ZNF563: variants seen among roughly 807,000 people sequenced by gnomAD.
ZNF563 encodes the protein zinc finger protein 563.
ZNF563 carries 39 observed loss-of-function variants against 48.5 expected under a neutral mutation model. That is an observed-to-expected ratio of 0.80 (90% CI 0.62 to 1.05). The LOEUF is 1.05. Ranked by LOEUF, ZNF563 falls within the 50% of genes least tolerant of loss-of-function variation. ZNF563 has a pLI of 0.00. For synonymous variants in ZNF563, 168 were observed against 187.9 expected (o/e 0.89, Z 0.87); for missense variants, 538 against 597.0 (o/e 0.90, Z 1.03).
At chr19:12,331,569 C>A (rs188141372) in intron 1 of ZNF563, among the ~76,000 whole-genome samples, 14 of 152,352 alleles carry the variant, frequency 9.2e-5, no homozygotes, top group African/African-American at 3.4e-4. Flanking sequence ...GAAAACTGGG[C>A]TTGGGGTGAG....
At chr19:12,330,438 A>G (rs959838931) in intron 1 of ZNF563, among the ~76,000 whole-genome samples, 7 of 152,206 alleles carry the variant, frequency 4.6e-5, no homozygotes, top group African/African-American at 1.7e-4. Flanking sequence ...CACGTAGTTT[A>G]TGGCAATCTG....
the ZNF563 span, among the ~76,000 whole-genome samples, chr19:12,343,726 T>C: frequency 1.7e-5 from 2 of 116,978 alleles, no homozygotes; most frequent in Non-Finnish European, 3.4e-5. Context: ...GCATAAATTC[T>C]TTTTTTTTTT....
At chr19:12,324,434 C>A (rs937432369) in intron 1 of ZNF563, among the ~76,000 whole-genome samples, 1 of 152,080 alleles carries the variant, frequency 6.6e-6, no homozygotes, top group Non-Finnish European at 1.5e-5. Context: ...AACCTCCTCA[C>A]TGGCCGGGTG....
upstream of ZNF563, among the ~76,000 whole-genome samples, chr19:12,338,596 G>A (rs771938819): frequency 5.9e-5 from 9 of 152,002 alleles, no homozygotes; most frequent in East Asian, 1.9e-4. Flanking sequence ...GCTCATGCCT[G>A]TAATCCCAGC....
chr19:12,319,519 T>C lies in ZNF563; in HGVS notation c.506A>G (p.Tyr169Cys), dbSNP rs774904148. ...RGRPHTGKKRYECKECGKTFS... is the reference protein window; with the variant it reads ...RGRPHTGKKRCECKECGKTFS... ...GGTTTTTCCACATTCCTTACACTCA[T>C]AGCGTTTCTTTCCAGTGTGAGGCCT... is the stretch of plus-strand genomic sequence containing the variant. Residue 169 changes from tyrosine to cysteine, a missense_variant, in exon 4 of 4, where the codon TAT becomes TGT. By Grantham distance (194) the Tyr-to-Cys change is radical. Transcript: ENST00000293725. The C allele has an allele frequency of 1.5e-5, 24 of 1,614,114 alleles. No homozygotes were observed. The South Asian group carries it at 1.5e-4, about 10-fold the overall frequency.
chr19:12,342,492 G>A, the ZNF563 span, among the ~76,000 whole-genome samples: 2 of 150,524 alleles, frequency 1.3e-5, no homozygotes, highest in Non-Finnish European at 2.9e-5. Context: ...AAAAAAAGAG[G>A]TTGGGGGTGG....
intron 3 of ZNF563, 56 bp downstream of exon 3, chr19:12,321,216 C>A: frequency 7.9e-7 from 1 of 1,260,120 alleles, no homozygotes; most frequent in South Asian, 1.4e-5. Context: ...TTAAAATTTC[C>A]TTTTACTCTG....
the ZNF563 span, among the ~76,000 whole-genome samples, chr19:12,338,880 A>C: frequency 6.6e-6 from 1 of 150,588 alleles, no homozygotes; most frequent in East Asian, 1.9e-4. Flanking sequence ...AACAAAACAA[A>C]ACAACACACT....
At chr19:12,325,363 G>A (rs543786620) in intron 1 of ZNF563, among the ~76,000 whole-genome samples, 1 of 151,492 alleles carries the variant, frequency 6.6e-6, no homozygotes, top group South Asian at 2.1e-4. Flanking sequence ...GCCTGTAACC[G>A]AGTAGCTGCA....
At chr19:12,342,964 G>A in the ZNF563 span, among the ~76,000 whole-genome samples, 4 of 151,142 alleles carry the variant, frequency 2.6e-5, 1 homozygote, top group Non-Finnish European at 4.4e-5. Context: ...TTGGGAGGCC[G>A]AGGCGGGTGG....
chr19:12,317,954 T>C lies in ZNF563; in HGVS notation c.*640A>G. On this transcript the variant is annotated 3_prime_UTR_variant, in exon 4 of 4. Transcript: ENST00000293725. ...CAAGGACCTGAGAGAACTCAATGCT[T>C]TTCTACATTTCTTACATTCATATGA... The C allele has an allele frequency of 5.3e-6, 1 of 186,918 alleles. No homozygotes were observed. Among genetic ancestry groups the C allele is most frequent in the African/African-American group, 2.4e-5 (1 of 42,240 alleles). 11.6% of individuals were successfully genotyped at this position (186,918 alleles called of 1,614,324 possible). A position where few individuals can be genotyped will look rare whatever the true frequency, so the allele number is the denominator to read the frequency against.
At chr19:12,327,375 G>A (rs1252292202) in intron 1 of ZNF563, among the ~76,000 whole-genome samples, 8 of 150,194 alleles carry the variant, frequency 5.3e-5, no homozygotes, top group East Asian at 3.9e-4. Flanking sequence ...CAGGAGAATC[G>A]CTTGAACCCA....
chr19:12,326,455 C>A (rs1440452382), intron 1 of ZNF563, among the ~76,000 whole-genome samples: 2 of 151,966 alleles, frequency 1.3e-5, no homozygotes, highest in Admixed American at 1.3e-4. Flanking sequence ...ACCAGCCTGG[C>A]CAACATGGTG....
At chr19:12,333,445 T>C (rs1448525770) in intron 1 of ZNF563, 35 bp downstream of exon 1, 3 of 1,612,894 alleles carry the variant, frequency 1.9e-6, no homozygotes, top group African/African-American at 1.3e-5. Context: ...ACCAGCTCTT[T>C]CCCACTTTTG....
chr19:12,318,808 C>CT lies in ZNF563; in HGVS notation c.1216dup (p.Ser406LysfsTer17), dbSNP rs770398682. Reference sequence around the variant, plus strand: ...AGACTTTTCGTGTCTTTGACATACACTAGGATAAACAAAAGCTTTCCCACA... The same window carrying CT: ...AGACTTTTCGTGTCTTTGACATACACTTAGGATAAACAAAAGCTTTCCCACA... On this transcript the variant is annotated frameshift_variant, in exon 4 of 4. Coordinates refer to ENST00000293725, the MANE Select transcript of ZNF563 (RefSeq NM_145276.3). LOFTEE classifies it high-confidence loss of function. 1.9e-6 allele frequency: 3 copies of CT among 1,614,150 alleles called. No homozygotes were observed. The Admixed American group carries it at 5.0e-5, about 27-fold the overall frequency.
chr19:12,340,329 G>A, the ZNF563 span, among the ~76,000 whole-genome samples: 1 of 151,946 alleles, frequency 6.6e-6, no homozygotes, highest in African/African-American at 2.4e-5. Flanking sequence ...GTGAGACTCT[G>A]TCTCAAAAAG....
the ZNF563 span, chr19:12,347,186 A>C: frequency 2.0e-5 from 3 of 152,294 alleles, no homozygotes; most frequent in East Asian, 5.8e-4. Context: ...ACTTCAATGA[A>C]ACAGCTCTTA....
rs45564645 is a variant in ZNF563, at chr19:12,319,099, T to G, written c.926A>C (p.Tyr309Ser). ...HETTHSAEKP[Y>S]ECKQCGKTFH... is the part of the protein sequence containing the mutation. The stretch of plus-strand genomic sequence containing the variant: ...TGTTTTCCCGCATTGCTTACACTCA[T>G]AGGGTTTCTCTGCACTGTGAGTGGT... Residue 309 changes from tyrosine to serine, a missense_variant, in exon 4 of 4, where the codon TAT becomes TCT. By Grantham distance (144) the Tyr-to-Ser change is moderately radical. Coordinates refer to ENST00000293725, the MANE Select transcript of ZNF563 (RefSeq NM_145276.3). 0.014 allele frequency: 22,954 copies of G among 1,614,166 alleles called. 227 individuals carry two copies. Among genetic ancestry groups the G allele is most frequent in the Non-Finnish European group, 0.018 (20,965 of 1,180,026 alleles).
upstream of ZNF563, among the ~76,000 whole-genome samples, chr19:12,335,045 G>A (rs2145823252): frequency 6.6e-6 from 1 of 152,200 alleles, no homozygotes; most frequent in East Asian, 1.9e-4. Context: ...CACCAAAGGG[G>A]GCTCCATTTC....
Sources: gnomAD v4.1 joint callset for allele counts (sites outside exome capture counted in the v4.1 genomes callset) on GRCh38, gnomAD v4.1.1 for gene constraint, MANE v1.5 for transcripts, NCBI Gene and HGNC (gene_info 2026-07-23, HGNC 2026-07-21) for gene names.